Variants in NRG1 observed in about 807,000 individuals in gnomAD.
NRG1 encodes the protein pro-neuregulin-1, membrane-bound isoform.
NRG1 carries 18 observed loss-of-function variants against 63.8 expected under a neutral mutation model. The observed-to-expected ratio is 0.28, with a 90% CI of 0.19 to 0.42. The LOEUF is 0.42. NRG1 is among the 10% of genes least tolerant of loss of function. NRG1 has a pLI of 1.00. For missense variants in NRG1, 762 were observed against 814.7 expected, an observed-to-expected ratio of 0.94 and a Z score of 0.79; for synonymous variants, 302 against 301.3, an observed-to-expected ratio of 1.00 and a Z score of -0.02.
At chr8:32,464,830 A>G (rs1262740609) in intron 1 of NRG1, among the ~76,000 whole-genome samples, 1 of 152,114 alleles carries the variant, frequency 6.6e-6, no homozygotes, top group African/African-American at 2.4e-5. Flanking sequence ...TATCACAGGT[A>G]AAATGGTAAT....
chr8:32,643,276 C>A (rs919343574), intron 5 of NRG1, among the ~76,000 whole-genome samples: 1 of 152,180 alleles, frequency 6.6e-6, no homozygotes, highest in Non-Finnish European at 1.5e-5. Flanking sequence ...TGAGTCTGGG[C>A]TGGCACGGTG....
At chr8:32,337,935 G>C (rs529037194) in intron 1 of NRG1, among the ~76,000 whole-genome samples, 3 of 152,276 alleles carry the variant, frequency 2.0e-5, no homozygotes, top group Admixed American at 1.3e-4. Flanking sequence ...ACCAAATTTA[G>C]AGTCTTGTCT....
chr8:32,189,858 T>A (rs912569961), intron 1 of NRG1, among the ~76,000 whole-genome samples: 1 of 152,204 alleles, frequency 6.6e-6, no homozygotes, highest in Admixed American at 6.5e-5. Context: ...TAGTGCTAGA[T>A]TGGCATTAGA....
At chr8:31,889,403 C>T (rs1428204483) in intron 1 of NRG1, among the ~76,000 whole-genome samples, 1 of 152,152 alleles carries the variant, frequency 6.6e-6, no homozygotes, top group African/African-American at 2.4e-5. Context: ...TGTGTCTACT[C>T]TCCCTTCAAA....
chr8:31,789,984 G>A (rs1820544235), intron 1 of NRG1, among the ~76,000 whole-genome samples: 2 of 152,214 alleles, frequency 1.3e-5, no homozygotes, highest in Admixed American at 6.5e-5. Flanking sequence ...GCTCAAGGAA[G>A]CATATCCAAT....
chr8:32,366,163 A>G (rs1807947422), intron 1 of NRG1, among the ~76,000 whole-genome samples: 1 of 152,158 alleles, frequency 6.6e-6, no homozygotes, highest in East Asian at 1.9e-4. Context: ...TTTTTTAGAT[A>G]TCCTTCACCT....
At chr8:31,780,261 G>T (rs952253912) in intron 1 of NRG1, among the ~76,000 whole-genome samples, 1 of 152,154 alleles carries the variant, frequency 6.6e-6, no homozygotes, top group Non-Finnish European at 1.5e-5. Flanking sequence ...ACTCATTTGG[G>T]TTAGCTAGCT....
At position 31,971,048 on chromosome 8, in the gene NRG1, GAA is replaced by G. The variant is rs34407270; in HGVS notation, c.37+331628_37+331629del. On this transcript the variant is annotated intron_variant, in intron 1 of 10. Transcript: ENST00000519301. ...AACAGAGTGAGACTCCGTCCCAAAA[GAA>G]AAAAAAAAAATTATGATATTTAAAG... 7.7e-3 allele frequency among the ~76,000 whole-genome samples: 1,053 copies of G among 137,424 alleles called. 13 individuals are homozygous for G. The highest frequency in any genetic ancestry group is 0.026 in the African/African-American group (1,011 of 39,130). 90.2% of individuals were successfully genotyped at this position (137,424 alleles called of 152,430 possible). A position where few individuals can be genotyped will look rare whatever the true frequency, so the allele number is the denominator to read the frequency against.
intron 1 of NRG1, among the ~76,000 whole-genome samples, chr8:32,218,571 T>C (rs1434950812): frequency 2.0e-5 from 3 of 152,154 alleles, no homozygotes; most frequent in Admixed American, 6.5e-5. Flanking sequence ...CTCTATGCAG[T>C]CCACAAAAAA....
chr8:32,477,081 T>C (rs561993108), intron 1 of NRG1, among the ~76,000 whole-genome samples: 16 of 151,984 alleles, frequency 1.1e-4, no homozygotes, highest in African/African-American at 3.1e-4. Context: ...CAGGGGAGAA[T>C]TGATGATTAT....
intron 1 of NRG1, among the ~76,000 whole-genome samples, chr8:31,880,913 G>A (rs2129612706): frequency 6.6e-6 from 1 of 152,256 alleles, no homozygotes; most frequent in African/African-American, 2.4e-5. Context: ...ATGGACTGGA[G>A]TATATGCATT....
chr8:31,719,274 C>T (rs1320068739), intron 1 of NRG1, among the ~76,000 whole-genome samples: 2 of 151,984 alleles, frequency 1.3e-5, no homozygotes, highest in East Asian at 3.9e-4. Flanking sequence ...TCCTATCAGC[C>T]AGAGAAATAA....
chr8:32,040,725 T>C, intron 1 of NRG1, among the ~76,000 whole-genome samples: 1 of 117,784 alleles, frequency 8.5e-6, no homozygotes, highest in East Asian at 2.7e-4. Flanking sequence ...TATATATATA[T>C]ATATATATAT....
In NRG1 at chr8:31,770,954, A is replaced by T. The variant is rs146219285; in HGVS notation, c.37+131523A>T. ...CACAATTATCAAAACCAGGAAATCA[A>T]CATTGGTAAATGCTATTAACTAAAC... is the stretch of plus-strand genomic sequence containing the variant. On this transcript the variant is annotated intron_variant, in intron 1 of 10. Transcript: ENST00000519301. 1.3e-4 allele frequency among the ~76,000 whole-genome samples: 20 copies of T among 152,220 alleles called. No homozygotes were observed. In the East Asian group the frequency reaches 3.1e-3, roughly 23 times the overall value.
intron 1 of NRG1, among the ~76,000 whole-genome samples, chr8:32,496,654 T>C: frequency 6.6e-6 from 1 of 152,012 alleles, no homozygotes; most frequent in East Asian, 1.9e-4. Context: ...TTAACCAGGG[T>C]GCATGGGATT....
rs148800564 is a variant in NRG1 at position 31,896,211 on chromosome 8, G to A, written c.37+256780G>A. ...TAGTAGAATCCATTCTAAACACATTGTTAATGGTTTGATCAAACATCTTTA... is the reference window on the plus strand; with the variant it reads ...TAGTAGAATCCATTCTAAACACATTATTAATGGTTTGATCAAACATCTTTA... On this transcript the variant is annotated intron_variant, in intron 1 of 10. Transcript: ENST00000519301. Among the ~76,000 whole-genome samples the A allele has an allele frequency of 4.4e-4, 67 of 152,230 alleles. 1 individual carries two copies. Among genetic ancestry groups the A allele is most frequent in the African/African-American group, 1.5e-3 (61 of 41,542 alleles).
chr8:32,302,325 C>T (rs2129475240), intron 1 of NRG1, among the ~76,000 whole-genome samples: 1 of 152,324 alleles, frequency 6.6e-6, no homozygotes, highest in Admixed American at 6.5e-5. Flanking sequence ...GGTACTCCAA[C>T]CTGTTGTGCC....
chr8:32,520,933 A>G (rs780668307), intron 1 of NRG1, among the ~76,000 whole-genome samples: 1 of 152,198 alleles, frequency 6.6e-6, no homozygotes, highest in Admixed American at 6.5e-5. Flanking sequence ...TGATCAGATT[A>G]ACTGTCACAA....
chr8:32,268,783 G>T (rs186224942), intron 1 of NRG1, among the ~76,000 whole-genome samples: 266 of 152,154 alleles, frequency 1.7e-3, no homozygotes, highest in African/African-American at 6.0e-3. Flanking sequence ...TGATACTCAG[G>T]ATTAGTCATG....
Sources: allele counts gnomAD v4.1 joint callset (sites outside exome capture counted in the v4.1 genomes callset), GRCh38; gene constraint gnomAD v4.1.1; transcripts MANE v1.5; gene names NCBI Gene and HGNC (gene_info 2026-07-23, HGNC 2026-07-21).